Variants in CFAP92 observed in about 807,000 individuals in gnomAD.
CFAP92 encodes the protein uncharacterized protein CFAP92.
In CFAP92, 86 loss-of-function variants were observed where a neutral mutation model predicts 106.3. That is an observed-to-expected ratio of 0.81 (90% CI 0.68 to 0.97). The LOEUF (loss-of-function observed/expected upper bound fraction) is 0.97. CFAP92 is among the 50% of genes least tolerant of loss of function. CFAP92 has a pLI of 0.00. For synonymous variants in CFAP92, 477 were observed against 506.4 expected (o/e 0.94, Z 0.78); for missense variants, 1,204 against 1,283.8 (o/e 0.94, Z 0.95).
intron 9 of CFAP92, among the ~76,000 whole-genome samples, chr3:128,947,557 C>T (rs187520705): frequency 6.6e-5 from 10 of 152,274 alleles, no homozygotes; most frequent in Admixed American, 5.9e-4. Context: ...CACAGACCCA[C>T]GGATCAGAAA....
intron 4 of CFAP92, among the ~76,000 whole-genome samples, chr3:128,983,885 G>A (rs1327401522): frequency 6.6e-5 from 10 of 152,224 alleles, no homozygotes; most frequent in Middle Eastern, 3.2e-3. Flanking sequence ...AAAGGCCCTG[G>A]GGCAGCCATG....
chr3:129,022,255 A>C, the CFAP92 span, among the ~76,000 whole-genome samples: 1 of 152,234 alleles, frequency 6.6e-6, no homozygotes, highest in African/African-American at 2.4e-5. Flanking sequence ...CAGAGTCCCC[A>C]GCAGTGTTGA....
intron 15 of CFAP92, among the ~76,000 whole-genome samples, chr3:128,912,246 C>T (rs1256362764): frequency 1.3e-5 from 2 of 152,116 alleles, no homozygotes; most frequent in South Asian, 2.1e-4. Context: ...GGGCTGTTTA[C>T]GGAGCAAGTG....
rs144454785 is a variant in CFAP92, at chr3:128,971,874, C to A, written c.1022-441G>T. 6.5e-4 allele frequency among the ~76,000 whole-genome samples: 99 copies of A among 152,212 alleles called. 1 individual carries two copies. The highest frequency in any genetic ancestry group is 2.3e-3 in the African/African-American group (95 of 41,522). On this transcript the variant is annotated intron_variant, in intron 7 of 15. Transcript: ENST00000645291. The stretch of plus-strand genomic sequence containing the variant: ...TGTTATATGAGGGCAACAGCACCTG[C>A]CTTCTAGGACACTGAGAAGAGGAAA...
intron 9 of CFAP92, among the ~76,000 whole-genome samples, chr3:128,946,992 G>C (rs552238342): frequency 7.9e-5 from 12 of 152,326 alleles, no homozygotes; most frequent in Admixed American, 3.3e-4. Context: ...ACACAATGGA[G>C]AAGCTGAGAA....
chr3:128,970,355 A>C (rs1003236817), intron 8 of CFAP92: 4 of 152,172 alleles, frequency 2.6e-5, no homozygotes, highest in African/African-American at 4.8e-5. Flanking sequence ...ACTGAACTGG[A>C]GGCTCTGACT....
At chr3:128,960,622 C>T (rs1165460868) in intron 9 of CFAP92, among the ~76,000 whole-genome samples, 5 of 152,242 alleles carry the variant, frequency 3.3e-5, no homozygotes, top group Non-Finnish European at 4.4e-5. Flanking sequence ...ATTGCAGGGA[C>T]GCTCTCTGAT....
chr3:128,972,135 C>A (rs1023706347), intron 7 of CFAP92, among the ~76,000 whole-genome samples: 7 of 152,182 alleles, frequency 4.6e-5, no homozygotes, highest in Admixed American at 1.3e-4. Flanking sequence ...TATTGAATTA[C>A]TTCACGGCAT....
the CFAP92 span, among the ~76,000 whole-genome samples, chr3:129,015,997 G>C: frequency 6.6e-6 from 1 of 152,344 alleles, no homozygotes; most frequent in African/African-American, 2.4e-5. Flanking sequence ...CAGCTCTGCA[G>C]CTTCCTGAGA....
intron 2 of CFAP92, among the ~76,000 whole-genome samples, chr3:128,992,172 C>T (rs1944254019): frequency 6.6e-6 from 1 of 152,222 alleles, no homozygotes. Context: ...CAGCCATGAG[C>T]TTGGGGGCTT....
At chr3:128,981,465 G>C (rs1399420299) in intron 4 of CFAP92, among the ~76,000 whole-genome samples, 1 of 152,068 alleles carries the variant, frequency 6.6e-6, no homozygotes, top group Non-Finnish European at 1.5e-5. Context: ...CAAGTAGCTG[G>C]GATTACAGGC....
At chr3:129,006,369 T>A (rs2341297), upstream of CFAP92, among the ~76,000 whole-genome samples, 1 of 152,200 alleles carries the variant, frequency 6.6e-6, no homozygotes, top group South Asian at 2.1e-4. Flanking sequence ...CAGGCTGGAG[T>A]GCAATGGTGC....
the CFAP92 span, among the ~76,000 whole-genome samples, chr3:129,026,676 A>G: frequency 4.2e-4 from 64 of 152,168 alleles, no homozygotes; most frequent in Non-Finnish European, 5.7e-4. Context: ...TCTTGGAGAC[A>G]GTGACCTTAT....
intron 12 of CFAP92, among the ~76,000 whole-genome samples, chr3:128,918,940 A>ATTTTTTTTTTTTTTTTTTTTTTTTTTTTT (rs10573280): frequency 9.4e-6 from 1 of 105,872 alleles, no homozygotes. Context: ...CTCAGATTGG[A>ATTTTTTTTTTTTTTTTTTTTTTTTTTTTT]TTTTTTTTTT....
the CFAP92 span, among the ~76,000 whole-genome samples, chr3:129,021,313 C>T: frequency 8.7e-3 from 1,317 of 152,248 alleles, 14 homozygotes; most frequent in Non-Finnish European, 0.012. Flanking sequence ...TCCAAGAATC[C>T]GATGCTGTGT....
At chr3:128,994,584 T>C (rs1448609048), upstream of CFAP92, among the ~76,000 whole-genome samples, 1 of 152,196 alleles carries the variant, frequency 6.6e-6, no homozygotes, top group African/African-American at 2.4e-5. Context: ...GAATTCTTGT[T>C]AGTGATCATG....
intron 15 of CFAP92, chr3:128,912,532 G>GAT: frequency 6.2e-7 from 1 of 1,613,720 alleles, no homozygotes; most frequent in African/African-American, 1.3e-5. Context: ...TAGATGAGCA[G>GAT]ATTAAGAAAG....
chr3:128,933,028 C>G, intron 11 of CFAP92, 31 bp from the exon 12 acceptor site: 1 of 1,531,518 alleles, frequency 6.5e-7, no homozygotes, highest in African/African-American at 1.4e-5. Flanking sequence ...CCCACTGAAC[C>G]TCTCCTACCT....
upstream of CFAP92, chr3:129,003,179 A>G: frequency 1.0e-6 from 1 of 972,934 alleles, no homozygotes; most frequent in Non-Finnish European, 1.2e-6. Flanking sequence ...GTCAGTGTGC[A>G]TGGAAGCCAG....
Sources: gnomAD v4.1 joint callset for allele counts (sites outside exome capture counted in the v4.1 genomes callset) on GRCh38, gnomAD v4.1.1 for gene constraint, MANE v1.5 for transcripts, NCBI Gene and HGNC (gene_info 2026-07-23, HGNC 2026-07-21) for gene names.